The following PDLIM5 variants were observed in gnomAD, a reference collection of about 807,000 sequenced individuals.
PDLIM5 encodes PDZ and LIM domain 5, also known as PDZ and LIM domain protein 5.
In PDLIM5, 34 loss-of-function variants were observed where a neutral mutation model predicts 64.2. That is an observed-to-expected ratio of 0.53 (90% CI 0.40 to 0.71). The LOEUF is 0.71. Among genes scored for constraint, PDLIM5 ranks in the 30% least tolerant of loss-of-function variants. PDLIM5 has a pLI of 0.00. For synonymous variants in PDLIM5, 253 were observed against 269.1 expected (o/e 0.94, Z 0.59); for missense variants, 683 against 733.6 (o/e 0.93, Z 0.80).
intron 5 of PDLIM5, among the ~76,000 whole-genome samples, chr4:94,576,859 C>T (rs1042951393): frequency 6.6e-6 from 1 of 152,000 alleles, no homozygotes; most frequent in Non-Finnish European, 1.5e-5. Context: ...TTTTCAGCAA[C>T]CTTCAATTAT....
rs1205997848 is a variant in PDLIM5 at position 94,643,690 on chromosome 4, C to T, written c.1283+3240C>T. Among the ~76,000 whole-genome samples, 3 of 152,166 alleles carry T rather than the reference C, an allele frequency of 2.0e-5. No homozygotes were observed. In the East Asian group the frequency reaches 5.8e-4, roughly 29 times the overall value. On this transcript the variant is annotated intron_variant, in intron 9 of 12. Coordinates refer to ENST00000317968, the MANE Select transcript of PDLIM5 (RefSeq NM_006457.5). ...AAATAGCCACATTACTATTGTTTTGCCTTTGCCTACAGTACAGCACCAGAA... is the reference window on the plus strand; with the variant it reads ...AAATAGCCACATTACTATTGTTTTGTCTTTGCCTACAGTACAGCACCAGAA...
chr4:94,536,835 TC>T (rs1731361457), intron 3 of PDLIM5, among the ~76,000 whole-genome samples: 4 of 152,316 alleles, frequency 2.6e-5, no homozygotes, highest in African/African-American at 9.6e-5. Flanking sequence ...CCAACTGTTT[TC>T]CAGTGGCTGT....
rs1473365055 is a variant in PDLIM5 at position 94,575,809 on chromosome 4, C to G, written c.485C>G (p.Ser162Cys). 6.2e-7 allele frequency: 1 copy of G among 1,614,170 alleles called. No individual in the cohort carries two copies. The highest frequency in any genetic ancestry group is 8.5e-7 in the Non-Finnish European group (1 of 1,180,012). ...CATGCGACCACCTCATCACATGCTT[C>G]CCCTTCACCCGTGGCTGCCGTCACT... ...PAHATTSSHASPSPVAAVTPP... is the reference protein window; with the variant it reads ...PAHATTSSHACPSPVAAVTPP... Residue 162 changes from serine (S) to cysteine (C), a missense_variant, in exon 5 of 13, where the codon TCC becomes TGC. Physicochemically the swap from Ser to Cys is moderately radical, Grantham distance 112 (BLOSUM62 -1). Transcript: ENST00000317968.
chr4:94,504,832 A>G (rs772651546), intron 2 of PDLIM5, among the ~76,000 whole-genome samples: 35 of 152,098 alleles, frequency 2.3e-4, no homozygotes, highest in Non-Finnish European at 4.7e-4. Flanking sequence ...AATGTTTCCA[A>G]ACTCTGAACT....
chr4:94,593,645 T>A (rs1297236265), intron 7 of PDLIM5, among the ~76,000 whole-genome samples: 7 of 152,198 alleles, frequency 4.6e-5, no homozygotes. Flanking sequence ...TAACCTTAAT[T>A]ACCTCTTTAA....
At chr4:94,606,431 G>C (rs1289236557) in intron 7 of PDLIM5, among the ~76,000 whole-genome samples, 1 of 152,122 alleles carries the variant, frequency 6.6e-6, no homozygotes, top group Non-Finnish European at 1.5e-5. Context: ...CCCAGTGAGG[G>C]TGTGGTAGAA....
intron 3 of PDLIM5, among the ~76,000 whole-genome samples, chr4:94,557,166 C>G (rs1389373409): frequency 3.3e-5 from 5 of 152,130 alleles, no homozygotes; most frequent in Non-Finnish European, 7.3e-5. Context: ...ATAGAGAATC[C>G]TTTCCCCATT....
chr4:94,558,554 C>T (rs964913824), intron 3 of PDLIM5, among the ~76,000 whole-genome samples: 1 of 152,164 alleles, frequency 6.6e-6, no homozygotes, highest in Non-Finnish European at 1.5e-5. Flanking sequence ...GGTGGTGTTA[C>T]AGCAGCCCAG....
rs530432445 is a variant in PDLIM5, at chr4:94,520,779, G to A, written c.97-2945G>A. 2.0e-5 allele frequency among the ~76,000 whole-genome samples: 3 copies of A among 152,276 alleles called. No individual in the cohort carries two copies. In the East Asian group the frequency reaches 5.8e-4, roughly 29 times the overall value. On this transcript the variant is annotated intron_variant, in intron 2 of 12. Coordinates refer to ENST00000317968, the MANE Select transcript of PDLIM5 (RefSeq NM_006457.5). ...AGCCTGGGTAGAGAATAATGAAAAT[G>A]GTTAGAGATTCCAAAAAGACATCAG...
chr4:94,660,820 G>A (rs1301659856), intron 11 of PDLIM5, among the ~76,000 whole-genome samples: 3 of 152,140 alleles, frequency 2.0e-5, no homozygotes, highest in African/African-American at 7.2e-5. Flanking sequence ...GCCAAAGGGT[G>A]AACCATGAGT....
chr4:94,493,883 C>CT (rs1215950284), intron 2 of PDLIM5, among the ~76,000 whole-genome samples: 1 of 152,176 alleles, frequency 6.6e-6, no homozygotes, highest in Non-Finnish European at 1.5e-5. Flanking sequence ...ACGTACTTGA[C>CT]TCCAGACTAC....
At chr4:94,628,522 C>CT (rs58904009) in intron 8 of PDLIM5, among the ~76,000 whole-genome samples, 3,746 of 147,044 alleles carry the variant, frequency 0.025, 155 homozygotes, top group East Asian at 0.15. Flanking sequence ...TAAAATATCT[C>CT]TTTTTTTTTT....
chr4:94,512,289 G>A (rs1728955402), intron 2 of PDLIM5, among the ~76,000 whole-genome samples: 1 of 152,122 alleles, frequency 6.6e-6, no homozygotes, highest in East Asian at 1.9e-4. Context: ...AAAGTTCTGG[G>A]ATTACAGGCA....
intron 8 of PDLIM5, among the ~76,000 whole-genome samples, chr4:94,639,137 A>T (rs979598691): frequency 2.0e-5 from 3 of 152,192 alleles, no homozygotes; most frequent in Non-Finnish European, 4.4e-5. Context: ...AGAAAATGGC[A>T]TTACCGATGG....
chr4:94,471,889 T>C (rs1453183172), intron 2 of PDLIM5, among the ~76,000 whole-genome samples: 1 of 152,182 alleles, frequency 6.6e-6, no homozygotes, highest in Non-Finnish European at 1.5e-5. Flanking sequence ...TAAGTATTTA[T>C]ACTTACAAAG....
At chr4:94,493,471 T>C (rs1046432931) in intron 2 of PDLIM5, among the ~76,000 whole-genome samples, 15 of 152,090 alleles carry the variant, frequency 9.9e-5, no homozygotes, top group Admixed American at 1.3e-4. Context: ...CCACCATGCT[T>C]GGATAAATTT....
intron 2 of PDLIM5, among the ~76,000 whole-genome samples, chr4:94,476,290 GA>G (rs1725316735): frequency 6.6e-6 from 1 of 151,998 alleles, no homozygotes; most frequent in African/African-American, 2.4e-5. Flanking sequence ...AACCTTTCTG[GA>G]CACGTAAAAG....
In PDLIM5 at chr4:94,611,048, C is replaced by G. The variant is rs184537854; in HGVS notation, c.921-6956C>G. 4.6e-5 allele frequency: 70 copies of G among 1,523,642 alleles called. No individual in the cohort carries two copies. In the East Asian group the frequency reaches 1.6e-3, roughly 35 times the overall value. The allele number at this position is 1,523,642 out of a possible 1,614,324, so 94.4% of individuals were successfully genotyped here. On this transcript the variant is annotated intron_variant, in intron 7 of 12. Transcript: ENST00000317968. ...TGGTAGTGTGATTTTTGACTTAAAA[C>G]TCTTTCTAAATGCTTACCAGGCTCT...
rs1326401173 is a variant in PDLIM5, at chr4:94,665,884, T to A, written c.*1817T>A. ...TTACTCAGATTGGCCTGTTATTTGA[T>A]TTCCTCCTTTGGGAAAAGAATTATG... is the stretch of plus-strand genomic sequence containing the variant. On this transcript the variant is annotated 3_prime_UTR_variant, in exon 13 of 13. Transcript: ENST00000317968. The A allele has an allele frequency of 1.3e-5, 18 of 1,421,378 alleles. No homozygotes were observed. Among genetic ancestry groups the A allele is most frequent in the African/African-American group, 2.9e-5 (2 of 69,092 alleles). 88.0% of individuals were successfully genotyped at this position (1,421,378 alleles called of 1,614,324 possible).
Sources: allele counts gnomAD v4.1 joint callset (sites outside exome capture counted in the v4.1 genomes callset), GRCh38; gene constraint gnomAD v4.1.1; transcripts MANE v1.5; gene names NCBI Gene and HGNC (gene_info 2026-07-23, HGNC 2026-07-21).